GRK5: variants seen among roughly 807,000 people sequenced by gnomAD.
GRK5 encodes the protein g protein-coupled receptor kinase GRK5.
A neutral mutation model predicts 78.4 loss-of-function variants in GRK5; 40 were observed. That is an observed-to-expected ratio of 0.51 (90% CI 0.40 to 0.66). GRK5 has a LOEUF of 0.66. Ranked by LOEUF, GRK5 falls within the 30% of genes least tolerant of loss-of-function variation. GRK5 has a pLI of 0.00. For missense variants in GRK5, 598 were observed against 759.9 expected (o/e 0.79, Z 2.50); for synonymous variants, 289 against 296.8 (o/e 0.97, Z 0.27).
At chr10:119,247,861 G>A (rs1239439799) in intron 1 of GRK5, among the ~76,000 whole-genome samples, 4 of 152,012 alleles carry the variant, frequency 2.6e-5, no homozygotes, top group Non-Finnish European at 4.4e-5. Flanking sequence ...CAAATTATAG[G>A]GGCACATATA....
At chr10:119,450,382 A>G (rs1252184087) in intron 13 of GRK5, among the ~76,000 whole-genome samples, 1 of 152,162 alleles carries the variant, frequency 6.6e-6, no homozygotes, top group African/African-American at 2.4e-5. Context: ...GGCACACAAA[A>G]CAGTTGGTTG....
At chr10:119,359,536 A>G (rs79077667) in intron 2 of GRK5, among the ~76,000 whole-genome samples, 3,337 of 152,298 alleles carry the variant, frequency 0.022, 67 homozygotes, top group South Asian at 0.073. Flanking sequence ...AGCACCCACG[A>G]AGCCTTCCTC....
chr10:119,358,014 C>T (rs1474080517), intron 2 of GRK5, among the ~76,000 whole-genome samples: 2 of 152,190 alleles, frequency 1.3e-5, no homozygotes, highest in Non-Finnish European at 2.9e-5. Flanking sequence ...AGGGGAGAGG[C>T]CTCAGTATGG....
chr10:119,317,111 G>A (rs959727800), intron 1 of GRK5, among the ~76,000 whole-genome samples: 2 of 152,198 alleles, frequency 1.3e-5, no homozygotes, highest in African/African-American at 4.8e-5. Context: ...ACAGTGACAA[G>A]TTGGGGCCTA....
intron 1 of GRK5, among the ~76,000 whole-genome samples, chr10:119,304,351 A>C (rs1433494933): frequency 7.8e-6 from 1 of 128,484 alleles, no homozygotes; most frequent in African/African-American, 3.1e-5. Flanking sequence ...GTGCAGTGGC[A>C]TGATCTCAGC....
intron 13 of GRK5, among the ~76,000 whole-genome samples, chr10:119,451,582 C>T (rs542883475): frequency 5.3e-5 from 8 of 152,322 alleles, no homozygotes; most frequent in African/African-American, 1.7e-4. Flanking sequence ...CTGAGTTCCA[C>T]GGTGGCGTGC....
Position 119,336,889 on chromosome 10 carries a change from G to A in GRK5, c.148+10278G>A, listed in dbSNP as rs1173445030. ...GTCCGCAGCTGGAGCTCTCAGGAGG[G>A]AAGGGTGGCCCCGCTGTCTTTGCGG... On this transcript the variant is annotated intron_variant, in intron 2 of 15. Transcript: ENST00000392870. The surrounding 1 kb of genome is among the most constrained non-coding windows in gnomAD (Gnocchi z 4.5). Among the ~76,000 whole-genome samples the A allele has an allele frequency of 1.3e-5, 2 of 152,216 alleles. No homozygotes were observed. The highest frequency in any genetic ancestry group is 3.8e-4 in the East Asian group (2 of 5,200).
In GRK5 at chr10:119,345,248, G is replaced by A. The variant is rs541257113; in HGVS notation, c.148+18637G>A. ...CTCCCAAAGTGCTGGGATTACAGGC[G>A]TGAGCCACCGCGCCCGGCCACAGAC... On this transcript the variant is annotated intron_variant, in intron 2 of 15. Transcript: ENST00000392870. Among the ~76,000 whole-genome samples the A allele has an allele frequency of 1.9e-4, 29 of 152,266 alleles. No individual in the cohort carries two copies. The East Asian group carries it at 3.3e-3, about 17-fold the overall frequency.
chr10:119,435,519 G>T (rs1210373985), intron 8 of GRK5, among the ~76,000 whole-genome samples: 1 of 152,162 alleles, frequency 6.6e-6, no homozygotes, highest in Non-Finnish European at 1.5e-5. Context: ...CAGTTTCTTT[G>T]CTAAAAGATA....
intron 2 of GRK5, among the ~76,000 whole-genome samples, chr10:119,342,414 T>C (rs761482851): frequency 7.9e-5 from 12 of 152,200 alleles, no homozygotes; most frequent in Non-Finnish European, 1.3e-4. Context: ...TGATTAGATT[T>C]CCCTGAACCT....
intron 15 of GRK5, among the ~76,000 whole-genome samples, chr10:119,454,665 T>C (rs1465530191): frequency 6.6e-6 from 1 of 152,208 alleles, no homozygotes; most frequent in Non-Finnish European, 1.5e-5. Context: ...AAGGCCACTC[T>C]GCGAGGGAGG....
At chr10:119,390,314 A>G (rs1851867558) in intron 3 of GRK5, among the ~76,000 whole-genome samples, 1 of 152,226 alleles carries the variant, frequency 6.6e-6, no homozygotes, top group African/African-American at 2.4e-5. Flanking sequence ...CCTCACAGTC[A>G]TGATGGAAGG....
chr10:119,401,018 T>C (rs1852141011), intron 4 of GRK5, among the ~76,000 whole-genome samples: 1 of 151,752 alleles, frequency 6.6e-6, no homozygotes, highest in African/African-American at 2.4e-5. Context: ...TGGCATCTGC[T>C]CTCTGTGTCC....
intron 1 of GRK5, among the ~76,000 whole-genome samples, chr10:119,223,796 C>T (rs1006386108): frequency 3.3e-5 from 5 of 151,672 alleles, no homozygotes; most frequent in African/African-American, 9.7e-5. Flanking sequence ...GACACCAGGG[C>T]TTTTTCTTTG....
At chr10:119,324,702 G>T (rs757049042) in intron 1 of GRK5, among the ~76,000 whole-genome samples, 2 of 152,248 alleles carry the variant, frequency 1.3e-5, no homozygotes, top group Non-Finnish European at 2.9e-5. Flanking sequence ...TTGGCCCCGG[G>T]CAGGGCCAGT....
At chr10:119,386,504 G>A (rs1851796570) in intron 3 of GRK5, among the ~76,000 whole-genome samples, 1 of 152,194 alleles carries the variant, frequency 6.6e-6, no homozygotes, top group South Asian at 2.1e-4. Flanking sequence ...TCGTGCCATC[G>A]TTCCCTCTCT....
At chr10:119,229,257 G>A (rs903933161) in intron 1 of GRK5, among the ~76,000 whole-genome samples, 2 of 152,130 alleles carry the variant, frequency 1.3e-5, no homozygotes, top group African/African-American at 4.8e-5. Context: ...CATTGGCTTT[G>A]TTAGGCTGGG....
intron 6 of GRK5, among the ~76,000 whole-genome samples, chr10:119,428,266 C>G (rs1852743060): frequency 6.6e-6 from 1 of 152,258 alleles, no homozygotes; most frequent in South Asian, 2.1e-4. Context: ...TCGGGCAACT[C>G]ATTTCACCTC....
At position 119,251,282 on chromosome 10, in the gene GRK5, C is replaced by T. The variant is rs552426736; in HGVS notation, c.52+43313C>T. The stretch of plus-strand genomic sequence containing the variant: ...AGAGCCATGATTTCCTGATTAAAAC[C>T]ATGTTAAAACAAAAAGCAGACTATA... On this transcript the variant is annotated intron_variant, in intron 1 of 15. Transcript: ENST00000392870. Among the ~76,000 whole-genome samples the T allele has an allele frequency of 7.2e-5, 11 of 152,274 alleles. No homozygotes were observed. The South Asian group carries it at 2.1e-3, about 29-fold the overall frequency.
Sources: allele counts gnomAD v4.1 joint callset (sites outside exome capture counted in the v4.1 genomes callset), GRCh38; gene constraint gnomAD v4.1.1; non-coding constraint Gnocchi (gnomAD v3.1); transcripts MANE v1.5; gene names NCBI Gene and HGNC (gene_info 2026-07-23, HGNC 2026-07-21).